Variants in ZFHX3 observed in about 807,000 individuals in gnomAD.
ZFHX3 encodes the protein zinc finger homeobox 3.
ZFHX3 carries 42 observed loss-of-function variants against 279.1 expected under a neutral mutation model. The observed-to-expected ratio is 0.15, with a 90% confidence interval of 0.12 to 0.19. ZFHX3 has a LOEUF of 0.19. Ranked by LOEUF, ZFHX3 falls within the 10% of genes least tolerant of loss-of-function variation. The pLI is 1.00. For missense variants in ZFHX3, 4,981 were observed against 4,754.0 expected (o/e 1.05, Z -1.40); for synonymous variants, 2,293 against 1,957.8 (o/e 1.17, Z -4.52).
At chr16:73,450,510 T>C (rs1442319839) in intron 3 of ZFHX3, among the ~76,000 whole-genome samples, 1 of 152,194 alleles carries the variant, frequency 6.6e-6, no homozygotes, top group Admixed American at 6.5e-5. Context: ...TAACACGTGT[T>C]TGTGGTTTTC....
intron 1 of ZFHX3, among the ~76,000 whole-genome samples, chr16:73,791,481 G>A (rs1188749609): frequency 6.6e-6 from 1 of 152,100 alleles, no homozygotes; most frequent in East Asian, 1.9e-4. Context: ...CCGGAGTGCA[G>A]CGGCGCCATC....
intron 1 of ZFHX3, among the ~76,000 whole-genome samples, chr16:73,737,563 T>C (rs920197158): frequency 6.6e-6 from 1 of 152,154 alleles, no homozygotes; most frequent in African/African-American, 2.4e-5. Context: ...ATTAAAAATC[T>C]TTCCCTAGAA....
intron 5 of ZFHX3, among the ~76,000 whole-genome samples, chr16:73,248,177 T>G (rs1317054492): frequency 6.6e-6 from 1 of 151,878 alleles, no homozygotes; most frequent in Non-Finnish European, 1.5e-5. Flanking sequence ...GGAGTGTGTG[T>G]GCGTACTGTG....
In ZFHX3 at chr16:73,728,491, C is replaced by T. The variant is rs138564058; in HGVS notation, c.-1607-48251G>A. 2.7e-3 allele frequency among the ~76,000 whole-genome samples: 407 copies of T among 152,300 alleles called. 3 individuals are homozygous for T. The highest frequency in any genetic ancestry group is 9.3e-3 in the African/African-American group (387 of 41,560). On this transcript the variant is annotated intron_variant, in intron 1 of 17. Transcript: ENST00000641206. Reference sequence around the variant, plus strand: ...TTGTAAAAAGTTCTATTGGACAGTGCTGTTTGCTGTTCTAGGGCTAATGGT... The same window carrying T: ...TTGTAAAAAGTTCTATTGGACAGTGTTGTTTGCTGTTCTAGGGCTAATGGT...
chr16:72,956,527 CA>C (rs566309846), intron 2 of ZFHX3, among the ~76,000 whole-genome samples: 27 of 152,216 alleles, frequency 1.8e-4, no homozygotes, highest in African/African-American at 5.5e-4. Context: ...CGTAAAAACT[CA>C]AAGTTTTTAG....
intron 5 of ZFHX3, among the ~76,000 whole-genome samples, chr16:73,249,777 A>C (rs955068810): frequency 1.3e-5 from 2 of 151,908 alleles, no homozygotes; most frequent in African/African-American, 2.4e-5. Context: ...AAGAAAAAAA[A>C]CCCAGTTAAC....
chr16:73,208,038 C>T (rs778446096), intron 5 of ZFHX3, among the ~76,000 whole-genome samples: 3 of 152,074 alleles, frequency 2.0e-5, no homozygotes, highest in Admixed American at 6.6e-5. Flanking sequence ...TTAGGAGTGG[C>T]GTTTGGATGA....
chr16:73,682,589 C>A (rs1179584113), intron 1 of ZFHX3, among the ~76,000 whole-genome samples: 3 of 151,892 alleles, frequency 2.0e-5, no homozygotes, highest in South Asian at 2.1e-4. Context: ...AGTTTGAGAC[C>A]AGCCTGGCCA....
chr16:73,727,302 C>T (rs564127398), intron 1 of ZFHX3, among the ~76,000 whole-genome samples: 1 of 152,348 alleles, frequency 6.6e-6, no homozygotes, highest in African/African-American at 2.4e-5. Flanking sequence ...CCCTCTCCTT[C>T]AGCTACCATT....
chr16:73,122,394 A>G (rs1009100779), intron 7 of ZFHX3, among the ~76,000 whole-genome samples: 87 of 150,864 alleles, frequency 5.8e-4, no homozygotes, highest in African/African-American at 2.0e-3. Context: ...TTTAGTAGAG[A>G]CAGGGTTTCA....
At chr16:72,979,400 C>G (rs1962491916) in intron 1 of ZFHX3, among the ~76,000 whole-genome samples, 1 of 152,186 alleles carries the variant, frequency 6.6e-6, no homozygotes, top group Non-Finnish European at 1.5e-5. Context: ...ACACCACCAG[C>G]CAGGTGGCTC....
chr16:72,952,870 G>A (rs1336880145), intron 2 of ZFHX3, among the ~76,000 whole-genome samples: 1 of 152,146 alleles, frequency 6.6e-6, no homozygotes, highest in African/African-American at 2.4e-5. Context: ...GCTGGGCACT[G>A]GCGTCTAGTT....
chr16:73,172,239 G>C (rs1229468940), intron 5 of ZFHX3, among the ~76,000 whole-genome samples: 1 of 152,220 alleles, frequency 6.6e-6, no homozygotes, highest in East Asian at 1.9e-4. Context: ...GGGTGCAGGG[G>C]CGAGGCCCGG....
At chr16:73,672,168 A>G (rs1462741777) in intron 2 of ZFHX3, among the ~76,000 whole-genome samples, 1 of 152,170 alleles carries the variant, frequency 6.6e-6, no homozygotes, top group Non-Finnish European at 1.5e-5. Context: ...GAAAAACACC[A>G]TCTATTATAT....
At chr16:73,367,776 C>T (rs2016555834) in intron 3 of ZFHX3, among the ~76,000 whole-genome samples, 1 of 152,008 alleles carries the variant, frequency 6.6e-6, no homozygotes, top group Non-Finnish European at 1.5e-5. Flanking sequence ...CATATGAGAA[C>T]TCCGTGAGTG....
At chr16:73,466,650 A>C (rs1353501231) in intron 2 of ZFHX3, among the ~76,000 whole-genome samples, 1 of 152,214 alleles carries the variant, frequency 6.6e-6, no homozygotes, top group Non-Finnish European at 1.5e-5. Flanking sequence ...ATGATGGAGC[A>C]TGCATGTGTG....
chr16:72,787,754 C>A lies in ZFHX3; in HGVS notation c.10522G>T (p.Gly3508Cys). ...QEMVLHVPTG[G>C]GGGGSGGGGG... is the part of the protein sequence containing the mutation. Reference sequence around the variant, plus strand: ...CCGCCGCCACTGCCACCGCCGCCGCCGCCGGTGGGGACGTGAAGCACCATC... The same window carrying A: ...CCGCCGCCACTGCCACCGCCGCCGCAGCCGGTGGGGACGTGAAGCACCATC... Residue 3508 changes from glycine (G) to cysteine (C), a missense_variant, in exon 10 of 10, where the codon GGC (glycine) becomes TGC (cysteine). Transcript: ENST00000268489. 1 of 1,422,818 alleles carries A rather than the reference C, an allele frequency of 7.0e-7. No individual in the cohort carries two copies. Among genetic ancestry groups the A allele is most frequent in the Admixed American group, 2.4e-5 (1 of 41,520 alleles). The allele number at this position is 1,422,818 out of a possible 1,614,324, so 88.1% of individuals were successfully genotyped here. A position where few individuals can be genotyped will look rare whatever the true frequency, so the allele number is the denominator to read the frequency against.
chr16:73,639,816 C>T (rs956831143), intron 2 of ZFHX3, among the ~76,000 whole-genome samples: 2 of 151,896 alleles, frequency 1.3e-5, no homozygotes, highest in Non-Finnish European at 2.9e-5. Context: ...AAACTGGGAA[C>T]AAAGACAACA....
chr16:73,806,600 G>T (rs992363569), intron 1 of ZFHX3, among the ~76,000 whole-genome samples: 2 of 150,032 alleles, frequency 1.3e-5, no homozygotes, highest in African/African-American at 2.5e-5. Context: ...ACTGGTTGGT[G>T]GGGGGGGTCA....
Sources: gnomAD v4.1 joint callset for allele counts (sites outside exome capture counted in the v4.1 genomes callset) on GRCh38, gnomAD v4.1.1 for gene constraint, MANE v1.5 for transcripts, NCBI Gene and HGNC (gene_info 2026-07-23, HGNC 2026-07-21) for gene names.